POLN: variants seen among roughly 807,000 people sequenced by gnomAD.
POLN encodes DNA polymerase nu.
Under a neutral mutation model 113.5 loss-of-function variants are expected in POLN, and 108 were observed. That is an observed-to-expected ratio of 0.95 (90% CI 0.81 to 1.12). The LOEUF (loss-of-function observed/expected upper bound fraction) is 1.12, where lower values mean the gene tolerates loss of function less well. Among genes scored for constraint, POLN ranks in the 50% most tolerant of loss-of-function variants. The pLI, the probability that POLN is intolerant of heterozygous loss-of-function variation, is 0.00. For synonymous variants in POLN, 386 were observed against 391.5 expected (o/e 0.99, Z 0.17); for missense variants, 1,097 against 1,077.1 (o/e 1.02, Z -0.26).
Position 2,234,665 on chromosome 4 carries a change from T to A in POLN, c.-12-5422A>T, listed in dbSNP as rs188903735. On this transcript the variant is annotated intron_variant, in intron 2 of 25. Transcript: ENST00000511885. ...GAAAAGAAAACTATATGCCTTACAT[T>A]ACTAAGCAAAAGAAAAATGGCAAAG... 2.1e-3 allele frequency among the ~76,000 whole-genome samples: 322 copies of A among 152,198 alleles called. 5 individuals are homozygous for A. Among genetic ancestry groups the A allele is most frequent in the Middle Eastern group, 0.02 (6 of 294 alleles).
At chr4:2,116,506 T>C (rs892893552) in intron 19 of POLN, among the ~76,000 whole-genome samples, 1 of 151,964 alleles carries the variant, frequency 6.6e-6, no homozygotes, top group Non-Finnish European at 1.5e-5. Flanking sequence ...CATGGTTTTT[T>C]CCAGCTTAAC....
intron 16 of POLN, among the ~76,000 whole-genome samples, chr4:2,140,525 T>C (rs1414856341): frequency 6.6e-6 from 1 of 152,130 alleles, no homozygotes; most frequent in East Asian, 1.9e-4. Context: ...GGTGAATGGA[T>C]CACTTGAGGC....
intron 8 of POLN, among the ~76,000 whole-genome samples, chr4:2,177,741 C>T (rs1333986027): frequency 6.6e-6 from 1 of 152,258 alleles, no homozygotes; most frequent in Admixed American, 6.5e-5. Flanking sequence ...TTGGAGAAGT[C>T]TCCCTGCCTG....
intron 7 of POLN, among the ~76,000 whole-genome samples, chr4:2,183,726 T>C (rs1411400584): frequency 6.6e-6 from 1 of 152,098 alleles, no homozygotes; most frequent in Non-Finnish European, 1.5e-5. Flanking sequence ...AAAAATGTTC[T>C]GATATTATGT....
rs571100008 is a variant in POLN, at chr4:2,101,769, A to G, written c.1983-5836T>C. Among the ~76,000 whole-genome samples, 82 of 152,344 alleles carry G rather than the reference A, an allele frequency of 5.4e-4. 1 individual carries two copies. Among genetic ancestry groups the G allele is most frequent in the African/African-American group, 1.9e-3 (78 of 41,582 alleles). ...GTGTGAGCAGAGTGTGAGCTCCCAC[A>G]ACTAGAACTGGGAAGCAAGCATGGC... On this transcript the variant is annotated intron_variant, in intron 19 of 25. Transcript: ENST00000511885.
rs1388860176 is a variant in POLN, at chr4:2,242,110, G to A, written c.-343C>T. ...GCCGCCACCGCCCTCCGTGCCCCGC[G>A]CGCCTCGCACTGCCTCACGGGAGCG... On this transcript the variant is annotated 5_prime_UTR_variant, in exon 1 of 26. Coordinates refer to ENST00000511885, the MANE Select transcript of POLN (RefSeq NM_181808.4). 2.0e-6 allele frequency: 2 copies of A among 985,908 alleles called. No individual in the cohort carries two copies. Among genetic ancestry groups the A allele is most frequent in the Non-Finnish European group, 2.4e-6 (2 of 830,264 alleles). The allele number at this position is 985,908 out of a possible 1,614,324, so 61.1% of individuals were successfully genotyped here. A position where few individuals can be genotyped will look rare whatever the true frequency, so the allele number is the denominator to read the frequency against.
At chr4:2,158,812 G>C (rs1186084487) in intron 14 of POLN, among the ~76,000 whole-genome samples, 1 of 152,214 alleles carries the variant, frequency 6.6e-6, no homozygotes, top group Non-Finnish European at 1.5e-5. Context: ...GGCAGACCTA[G>C]AAGCCAGGGA....
At chr4:2,131,361 G>A (rs1191229812) in intron 16 of POLN, 71 bp from the exon 17 acceptor site, 6 of 1,003,768 alleles carry the variant, frequency 6.0e-6, no homozygotes, top group Non-Finnish European at 9.0e-6. Flanking sequence ...GGTATTTAAT[G>A]TACATCACAT....
intron 2 of POLN, among the ~76,000 whole-genome samples, chr4:2,237,335 T>C (rs1577799869): frequency 6.6e-6 from 1 of 150,868 alleles, no homozygotes; most frequent in South Asian, 2.1e-4. Context: ...ACTCAGGAAG[T>C]TGAGGCAGGA....
At chr4:2,161,911 G>A (rs1732603351) in intron 13 of POLN, among the ~76,000 whole-genome samples, 3 of 152,152 alleles carry the variant, frequency 2.0e-5, no homozygotes, top group Admixed American at 2.0e-4. Flanking sequence ...TGGGGACTTG[G>A]AGAACCTTTG....
intron 7 of POLN, among the ~76,000 whole-genome samples, chr4:2,187,288 G>C (rs1733301050): frequency 6.6e-6 from 1 of 152,164 alleles, no homozygotes; most frequent in African/African-American, 2.4e-5. Flanking sequence ...CTGTTGCTCA[G>C]GCGGAAGTGC....
Position 2,081,614 on chromosome 4 carries a change from G to C in POLN, c.2308+19C>G, listed in dbSNP as rs751824265. 5.0e-6 allele frequency: 8 copies of C among 1,612,282 alleles called. No homozygotes were observed. The highest frequency in any genetic ancestry group is 6.8e-6 in the Non-Finnish European group (8 of 1,178,442). ...AGAAGCAAATGGACACAGAACTACA[G>C]GTAAGAGGCTTCTGGTACCTTGCAC... On this transcript the variant is annotated intron_variant, in intron 22 of 25. Transcript: ENST00000511885.
intron 22 of POLN, 155 bp downstream of exon 22, chr4:2,081,478 G>T: frequency 1.4e-6 from 1 of 714,334 alleles, no homozygotes; most frequent in Non-Finnish European, 2.4e-6. Context: ...GACAGTAACT[G>T]CCAGGCAGGA....
In POLN at chr4:2,213,110, G is replaced by C. The variant is rs1158430981; in HGVS notation, c.150C>G (p.Asn50Lys). ...GTACTGAATACTTAACACTGGACTT[G>C]TTTATCACTTCCATAGCTTTTAAAA... is the stretch of plus-strand genomic sequence containing the variant. Reference protein sequence around the residue: ...GKSTETMEVINKSSVKYSVQL... With the variant: ...GKSTETMEVIKKSSVKYSVQL... The change falls in exon 4 of 26, where the codon AAC (asparagine) becomes AAG (lysine). Residue 50 changes from asparagine (N) to lysine (K), a missense_variant. Coordinates refer to ENST00000511885, the MANE Select transcript of POLN (RefSeq NM_181808.4). 5 of 1,603,826 alleles carry C rather than the reference G, an allele frequency of 3.1e-6. No individual in the cohort carries two copies. Among genetic ancestry groups the C allele is most frequent in the Non-Finnish European group, 4.3e-6 (5 of 1,176,026 alleles).
intron 19 of POLN, among the ~76,000 whole-genome samples, chr4:2,115,078 C>T (rs372511294): frequency 5.3e-5 from 8 of 151,530 alleles, no homozygotes; most frequent in East Asian, 3.9e-4. Context: ...GATGGAGTCT[C>T]GCTCTGTAGC....
chr4:2,073,050 G>A lies in POLN; in HGVS notation c.2456-21C>T, dbSNP rs181729898. 3 of 1,612,062 alleles carry A rather than the reference G, an allele frequency of 1.9e-6. No homozygotes were observed. The African/African-American group carries it at 4.0e-5, about 21-fold the overall frequency. ...GAGAGCTAGAGTGCGGAAGAGAGAG[G>A]AGGCCCTGCTGGTCTCTTGGCCTTG... On this transcript the variant is annotated intron_variant, in intron 24 of 25. Coordinates refer to ENST00000511885, the MANE Select transcript of POLN (RefSeq NM_181808.4).
intron 19 of POLN, among the ~76,000 whole-genome samples, chr4:2,112,557 C>T (rs2108712564): frequency 6.6e-6 from 1 of 152,230 alleles, no homozygotes. Context: ...CAAACAACCC[C>T]ATCAAAAAGT....
At chr4:2,174,872 G>C in intron 9 of POLN, 121 bp from the exon 10 acceptor site, 3 of 672,048 alleles carry the variant, frequency 4.5e-6, no homozygotes, top group Non-Finnish European at 5.1e-6. Context: ...GCCCAGGTTG[G>C]AGTGCAGTGG....
chr4:2,232,886 GCT>G (rs1734633576), intron 2 of POLN, among the ~76,000 whole-genome samples: 3 of 152,078 alleles, frequency 2.0e-5, no homozygotes, highest in Admixed American at 2.0e-4. Flanking sequence ...AAAATCTGTT[GCT>G]CTAACTACCC....
Sources: allele counts gnomAD v4.1 joint callset (sites outside exome capture counted in the v4.1 genomes callset), GRCh38; gene constraint gnomAD v4.1.1; transcripts MANE v1.5; gene names NCBI Gene and HGNC (gene_info 2026-07-23, HGNC 2026-07-21).